Variants in BST1 observed in about 807,000 individuals in gnomAD.
BST1 encodes bone marrow stromal cell antigen 1.
In BST1, 49 loss-of-function variants were observed where a neutral mutation model predicts 40.6. The observed-to-expected ratio is 1.21, with a 90% CI of 0.96 to 1.53. BST1 has a LOEUF of 1.53. Ranked by LOEUF, BST1 falls within the 40% of genes most tolerant of loss-of-function variation. BST1 has a pLI of 0.00. For missense variants in BST1, 423 were observed against 395.9 expected, an observed-to-expected ratio of 1.07 and a Z score of -0.58; for synonymous variants, 157 against 159.3, an observed-to-expected ratio of 0.99 and a Z score of 0.11.
chr4:15,773,145 T>A, the BST1 span, among the ~76,000 whole-genome samples: 18,926 of 152,210 alleles, frequency 0.12, 1,365 homozygotes, highest in Middle Eastern at 0.18. Flanking sequence ...AACTTTCTCT[T>A]GGACTAAGTT....
chr4:15,759,856 T>C, the BST1 span, among the ~76,000 whole-genome samples: 1 of 152,086 alleles, frequency 6.6e-6, no homozygotes, highest in East Asian at 1.9e-4. Context: ...GCTATCTTCA[T>C]ATCAGAACCA....
the BST1 span, among the ~76,000 whole-genome samples, chr4:15,760,634 A>T: frequency 6.6e-6 from 1 of 151,566 alleles, no homozygotes; most frequent in Non-Finnish European, 1.5e-5. Context: ...TGGTAAAAAT[A>T]TAATTTTTCC....
chr4:15,746,376 C>CT, the BST1 span, among the ~76,000 whole-genome samples: 1 of 152,232 alleles, frequency 6.6e-6, no homozygotes, highest in East Asian at 1.9e-4. Context: ...ATACCATAGA[C>CT]TGGGTAATTT....
intron 5 of BST1, 45 bp from the exon 6 acceptor site, chr4:15,715,662 G>A: frequency 7.6e-7 from 1 of 1,323,862 alleles, no homozygotes; most frequent in Non-Finnish European, 1.0e-6. Flanking sequence ...AACTGAAATG[G>A]AAAAGATATC....
intron 1 of BST1, among the ~76,000 whole-genome samples, chr4:15,703,567 T>C (rs986351421): frequency 2.1e-5 from 3 of 142,992 alleles, no homozygotes; most frequent in Non-Finnish European, 4.6e-5. Flanking sequence ...GATGAGTGTG[T>C]GTGTGTGCGC....
chr4:15,742,579 A>C (rs562954525), downstream of BST1, among the ~76,000 whole-genome samples: 1 of 152,326 alleles, frequency 6.6e-6, no homozygotes, highest in African/African-American at 2.4e-5. Context: ...AGCAACACTA[A>C]ATAGACAAAG....
chr4:15,739,154 C>A (rs1048183992), downstream of BST1, among the ~76,000 whole-genome samples: 4 of 152,338 alleles, frequency 2.6e-5, no homozygotes, highest in South Asian at 4.1e-4. Context: ...AGACTGGGAG[C>A]TTGTTTTTAA....
chr4:15,722,757 T>G, intron 7 of BST1, 118 bp from the exon 8 acceptor site: 1 of 786,648 alleles, frequency 1.3e-6, no homozygotes, highest in Non-Finnish European at 2.1e-6. Context: ...AGGAAATAGT[T>G]TGTGTATTAT....
the BST1 span, among the ~76,000 whole-genome samples, chr4:15,764,433 T>G: frequency 6.6e-6 from 1 of 151,982 alleles, no homozygotes; most frequent in African/African-American, 2.4e-5. Context: ...TCAGCCTCTT[T>G]GTGTTAGAAT....
intron 6 of BST1, among the ~76,000 whole-genome samples, chr4:15,718,402 A>G (rs991910900): frequency 1.3e-5 from 2 of 152,148 alleles, no homozygotes; most frequent in Non-Finnish European, 2.9e-5. Flanking sequence ...ACCTATATAC[A>G]CCAAAATGTT....
chr4:15,715,867 G>A (rs2148885657), intron 6 of BST1, 68 bp downstream of exon 6: 1 of 1,197,460 alleles, frequency 8.4e-7, no homozygotes, highest in Non-Finnish European at 1.2e-6. Context: ...ATATGATAAA[G>A]TTCGTTTAAC....
intron 3 of BST1, among the ~76,000 whole-genome samples, chr4:15,710,174 A>ATGT (rs1397940069): frequency 6.6e-6 from 1 of 151,838 alleles, no homozygotes; most frequent in East Asian, 1.9e-4. Context: ...TGGTCTTGCC[A>ATGT]TGTTGCCCAG....
rs921624640 is a variant in BST1, at chr4:15,707,560, A to T, written c.365A>T (p.Asn122Ile). The T allele has an allele frequency of 4.3e-6, 7 of 1,613,848 alleles. No homozygotes were observed. The African/African-American group carries it at 9.4e-5, about 22-fold the overall frequency. ...SHLLVNSFAD[N>I]TRRFMPLSDV... ...CTCCTTGTTAACAGCTTTGCAGACA[A>T]CACCCGTCGTTTTATGCCCCTGAGC... Residue 122 changes from asparagine (N) to isoleucine (I), a missense_variant, in exon 3 of 9, where the codon AAC (asparagine) becomes ATC (isoleucine). By Grantham distance (149) the Asn-to-Ile change is moderately radical. Coordinates refer to ENST00000265016, the MANE Select transcript of BST1 (RefSeq NM_004334.3).
At chr4:15,752,535 T>A in the BST1 span, among the ~76,000 whole-genome samples, 1 of 151,912 alleles carries the variant, frequency 6.6e-6, no homozygotes, top group Non-Finnish European at 1.5e-5. Flanking sequence ...ATTACAGGTA[T>A]GTGCCACCAT....
At position 15,703,250 on chromosome 4, in the gene BST1, G is replaced by A. The variant is rs762139985; in HGVS notation, c.106G>A (p.Gly36Arg). ...AAGGARARWRGEGTSAHLRDI... is the reference protein window; with the variant it reads ...AAGGARARWRREGTSAHLRDI... ...GGGCGGGGCGCGCGCGCGGTGGCGCGGGGAGGGCACCAGCGCACACTTGCG... is the reference window on the plus strand; with the variant it reads ...GGGCGGGGCGCGCGCGCGGTGGCGCAGGGAGGGCACCAGCGCACACTTGCG... The change falls in exon 1 of 9, where the codon GGG becomes AGG. Residue 36 changes from glycine (G) to arginine (R), a missense_variant. Gly to Arg is a moderately radical substitution (Grantham distance 125). Coordinates refer to ENST00000265016, the MANE Select transcript of BST1 (RefSeq NM_004334.3). 4 of 1,542,240 alleles carry A rather than the reference G, an allele frequency of 2.6e-6. No homozygotes were observed. Among genetic ancestry groups the A allele is most frequent in the Admixed American group, 2.0e-5 (1 of 50,568 alleles).
At chr4:15,722,465 T>C (rs1470644505) in intron 7 of BST1, among the ~76,000 whole-genome samples, 2 of 152,216 alleles carry the variant, frequency 1.3e-5, no homozygotes, top group African/African-American at 4.8e-5. Context: ...CCTCACTCTG[T>C]TATCCAGGCT....
chr4:15,727,541 A>G (rs1291435571), intron 8 of BST1, among the ~76,000 whole-genome samples: 2 of 152,234 alleles, frequency 1.3e-5, no homozygotes, highest in Non-Finnish European at 2.9e-5. Context: ...CACTCTAATA[A>G]TAATGGAAAA....
chr4:15,768,202 C>T, the BST1 span, among the ~76,000 whole-genome samples: 4 of 152,100 alleles, frequency 2.6e-5, no homozygotes, highest in East Asian at 1.9e-4. Context: ...GCAGCGGTTC[C>T]GATTCTAGAC....
At chr4:15,707,684 T>C in intron 3 of BST1, 38 bp downstream of exon 3, 1 of 1,608,370 alleles carries the variant, frequency 6.2e-7, no homozygotes, top group Non-Finnish European at 8.5e-7. Flanking sequence ...ACTTAAGAAC[T>C]CCTATTTACT....
Sources: allele counts gnomAD v4.1 joint callset (sites outside exome capture counted in the v4.1 genomes callset), GRCh38; gene constraint gnomAD v4.1.1; transcripts MANE v1.5; gene names NCBI Gene and HGNC (gene_info 2026-07-23, HGNC 2026-07-21).